Variants in PLEKHO1 observed in about 807,000 individuals in gnomAD.
PLEKHO1 encodes pleckstrin homology domain-containing family O member 1.
PLEKHO1 carries 22 observed loss-of-function variants against 41.4 expected under a neutral mutation model. The observed-to-expected ratio is 0.53, with a 90% CI of 0.38 to 0.76. The LOEUF (loss-of-function observed/expected upper bound fraction) is 0.76. Among genes scored for constraint, PLEKHO1 ranks in the 30% least tolerant of loss-of-function variants. The pLI is 0.00. For synonymous variants in PLEKHO1, 225 were observed against 210.8 expected (o/e 1.07, Z -0.58); for missense variants, 488 against 518.3 (o/e 0.94, Z 0.57).
chr1:150,157,550 A>G (rs1660225986), intron 5 of PLEKHO1, 64 bp downstream of exon 5: 1 of 1,152,982 alleles, frequency 8.7e-7, no homozygotes, highest in Non-Finnish European at 1.3e-6. Flanking sequence ...CTCAGACAGA[A>G]CTGTATGCCA....
chr1:150,150,977 C>T lies in PLEKHO1; in HGVS notation c.96C>T (p.Cys32=). Reference sequence around the variant, plus strand: ...AGGTCGGCTGGGTCCGGAAATTCTGCGGGAAAGGGATTTTCAGGGAGATTT... The same window carrying T: ...AGGTCGGCTGGGTCCGGAAATTCTGTGGGAAAGGGATTTTCAGGGAGATTT... ...PEKVGWVRKF[C]GKGIFREIWK... Residue 32 remains cysteine (C), a synonymous_variant, in exon 2 of 6, where the codon TGC becomes TGT. Transcript: ENST00000369124. 6.2e-7 allele frequency: 1 copy of T among 1,613,972 alleles called. No homozygotes were observed. The highest frequency in any genetic ancestry group is 1.7e-5 in the Admixed American group (1 of 60,030).
chr1:150,157,208 G>A (rs1373865006), intron 4 of PLEKHO1, 177 bp from the exon 5 acceptor site: 46 of 702,572 alleles, frequency 6.5e-5, no homozygotes, highest in South Asian at 5.8e-4. Flanking sequence ...CCTCTTCCCC[G>A]CTTCATGATG....
In PLEKHO1 at chr1:150,156,155, G is replaced by A; in HGVS notation, c.267G>A (p.Lys89=). 1 of 1,613,912 alleles carries A rather than the reference G, an allele frequency of 6.2e-7. No individual in the cohort carries two copies. The highest frequency in any genetic ancestry group is 8.5e-7 in the Non-Finnish European group (1 of 1,179,844). ...EELRKSKSRS[K]KNHSKFTLAH... ...TCCGGAAGTCCAAGAGCAGGAGCAA[G>A]AAAAATCATAGCAAGTTTACTCTTG... Residue 89 remains lysine (K), a synonymous_variant, in exon 3 of 6, where the codon AAG becomes AAA. Transcript: ENST00000369124.
intron 2 of PLEKHO1, among the ~76,000 whole-genome samples, chr1:150,151,626 C>T (rs1168741390): frequency 1.3e-5 from 2 of 148,836 alleles, no homozygotes; most frequent in Non-Finnish European, 3.0e-5. Flanking sequence ...GCTCTCTGTT[C>T]CCCACCCCCA....
chr1:150,154,737 CTGTT>C, intron 2 of PLEKHO1: 1 of 152,296 alleles, frequency 6.6e-6, no homozygotes, highest in Non-Finnish European at 1.5e-5. Flanking sequence ...CTACTTTTAT[CTGTT>C]TGTTTAGTTT....
At chr1:150,153,312 G>A (rs782229052) in intron 2 of PLEKHO1, among the ~76,000 whole-genome samples, 7 of 152,042 alleles carry the variant, frequency 4.6e-5, no homozygotes, top group East Asian at 1.9e-4. Context: ...CTCAGCCTCC[G>A]GAGTAGCTGG....
chr1:150,159,685 T>C lies in PLEKHO1; in HGVS notation c.*162T>C, dbSNP rs192739241. 1 of 555,918 alleles carries C rather than the reference T, an allele frequency of 1.8e-6. No individual in the cohort carries two copies. Among genetic ancestry groups the C allele is most frequent in the African/African-American group, 1.9e-5 (1 of 53,456 alleles). The allele number at this position is 555,918 out of a possible 1,614,324, so 34.4% of individuals were successfully genotyped here. On this transcript the variant is annotated 3_prime_UTR_variant, in exon 6 of 6. Coordinates refer to ENST00000369124, the MANE Select transcript of PLEKHO1 (RefSeq NM_016274.6). Reference sequence around the variant, plus strand: ...CTACAACCCTTATTGCCCCACCTACTTTCCATATGCCCCTCGTATGCCCCT... The same window carrying C: ...CTACAACCCTTATTGCCCCACCTACCTTCCATATGCCCCTCGTATGCCCCT...
In PLEKHO1 at chr1:150,159,551, G is replaced by A. The variant is rs116256069; in HGVS notation, c.*28G>A. On this transcript the variant is annotated 3_prime_UTR_variant, in exon 6 of 6. Transcript: ENST00000369124. ...GCAGGGTGGGGTCTGGAACTTGTCG[G>A]GTTGGACAGACTCTTATCTCCGTGT... is the stretch of plus-strand genomic sequence containing the variant. 9.1e-4 allele frequency: 1,312 copies of A among 1,435,310 alleles called. 12 individuals are homozygous for A. In the African/African-American group the frequency reaches 0.017, roughly 18 times the overall value. The allele number at this position is 1,435,310 out of a possible 1,614,324, so 88.9% of individuals were successfully genotyped here. A position where few individuals can be genotyped will look rare whatever the true frequency, so the allele number is the denominator to read the frequency against.
chr1:150,150,398 C>T (rs1185309740), intron 1 of PLEKHO1, 111 bp downstream of exon 1: 2 of 383,742 alleles, frequency 5.2e-6, no homozygotes, highest in Non-Finnish European at 7.1e-6. Flanking sequence ...GCGCCCCCGC[C>T]CCGGCGGCCC....
At chr1:150,157,580 G>A (rs1445593928) in intron 5 of PLEKHO1, 94 bp downstream of exon 5, 6 of 825,452 alleles carry the variant, frequency 7.3e-6, no homozygotes, top group Middle Eastern at 2.4e-4. Flanking sequence ...TTTGCGGGAG[G>A]CCTCCTTGAT....
chr1:150,156,818 A>G (rs1440926510), intron 3 of PLEKHO1, 93 bp from the exon 4 acceptor site: 2 of 807,944 alleles, frequency 2.5e-6, no homozygotes, highest in African/African-American at 3.4e-5. Flanking sequence ...AGCTAGGTCT[A>G]AGAAAGTGAG....
Position 150,157,468 on chromosome 1 carries a change from G to A in PLEKHO1, c.507G>A (p.Arg169=), listed in dbSNP as rs781818099. 5.6e-6 allele frequency: 9 copies of A among 1,612,786 alleles called. No homozygotes were observed. Among genetic ancestry groups the A allele is most frequent in the Non-Finnish European group, 7.6e-6 (9 of 1,178,822 alleles). ...KIQHSRRPPT[R]GHLMAVASTS... ...AGCACTCCCGCCGCCCCCCAACAAG[G>A]GGACACCTAATGGCTGTGGTATGTA... Residue 169 remains arginine (R), a synonymous_variant, in exon 5 of 6, where the codon AGG becomes AGA. Coordinates refer to ENST00000369124, the MANE Select transcript of PLEKHO1 (RefSeq NM_016274.6).
At chr1:150,157,960 G>A (rs1164292100) in intron 5 of PLEKHO1, among the ~76,000 whole-genome samples, 1 of 152,190 alleles carries the variant, frequency 6.6e-6, no homozygotes, top group East Asian at 1.9e-4. Context: ...GAACCTCACT[G>A]TAATCAGCTA....
chr1:150,153,022 G>A lies in PLEKHO1; in HGVS notation c.177+1964G>A, dbSNP rs1355397316. ...GGAGCCAGCTGTCTCCTGCTGGGAA[G>A]GGCACAGGAAAGAGGGACTAGGCAT... On this transcript the variant is annotated intron_variant, in intron 2 of 5. Coordinates refer to ENST00000369124, the MANE Select transcript of PLEKHO1 (RefSeq NM_016274.6). The A allele has an allele frequency of 2.6e-5, 4 of 152,210 alleles. 1 individual carries two copies. In the South Asian group the frequency reaches 6.2e-4, roughly 24 times the overall value. 9.4% of individuals were successfully genotyped at this position (152,210 alleles called of 1,614,324 possible). A position where few individuals can be genotyped will look rare whatever the true frequency, so the allele number is the denominator to read the frequency against.
At chr1:150,155,009 AC>A (rs1400063106) in intron 2 of PLEKHO1, 1 of 152,226 alleles carries the variant, frequency 6.6e-6, no homozygotes, top group Non-Finnish European at 1.5e-5. Flanking sequence ...TTTCAGATGA[AC>A]CTGCGAAGAA....
intron 2 of PLEKHO1, chr1:150,155,484 C>T (rs1372410881): frequency 6.6e-6 from 1 of 152,336 alleles, no homozygotes; most frequent in Non-Finnish European, 1.5e-5. Context: ...GGTGGCGATG[C>T]TCCTGAAATG....
chr1:150,150,001 G>T lies in PLEKHO1; in HGVS notation c.-257G>T, dbSNP rs1255811821. 4 of 153,312 alleles carry T rather than the reference G, an allele frequency of 2.6e-5. No homozygotes were observed. The highest frequency in any genetic ancestry group is 2.9e-5 in the Non-Finnish European group (2 of 69,628). 9.5% of individuals were successfully genotyped at this position (153,312 alleles called of 1,614,324 possible). A position where few individuals can be genotyped will look rare whatever the true frequency, so the allele number is the denominator to read the frequency against. ...GCTCGGGGACCCGGGCCGCGTGGGC[G>T]CCGGGATGGAGGGCGCCAAGGGGCG... On this transcript the variant is annotated 5_prime_UTR_variant, in exon 1 of 6. Coordinates refer to ENST00000369124, the MANE Select transcript of PLEKHO1 (RefSeq NM_016274.6).
In PLEKHO1 at chr1:150,158,801, T is replaced by TC; in HGVS notation, c.526-12dup. Reference sequence around the variant, plus strand: ...TCCTGATGACAGGTTCCCCACTCATTCCCCCCTTCCTCCACAGGCTTCCAC... The same window carrying TC: ...TCCTGATGACAGGTTCCCCACTCATTCCCCCCCTTCCTCCACAGGCTTCCAC... On this transcript the variant is annotated splice_polypyrimidine_tract_variant and intron_variant, in intron 5 of 5. Coordinates refer to ENST00000369124, the MANE Select transcript of PLEKHO1 (RefSeq NM_016274.6). 2.6e-6 allele frequency: 4 copies of TC among 1,553,224 alleles called. No individual in the cohort carries two copies. The highest frequency in any genetic ancestry group is 3.5e-6 in the Non-Finnish European group (4 of 1,135,138).
chr1:150,150,356 C>T, intron 1 of PLEKHO1, 69 bp downstream of exon 1: 1 of 798,228 alleles, frequency 1.3e-6, no homozygotes, highest in Non-Finnish European at 1.5e-6. Context: ...TCCGTCGGCG[C>T]CGCGGCGGCC....
Sources: allele counts gnomAD v4.1 joint callset (sites outside exome capture counted in the v4.1 genomes callset), GRCh38; gene constraint gnomAD v4.1.1; transcripts MANE v1.5; gene names NCBI Gene and HGNC (gene_info 2026-07-23, HGNC 2026-07-21).